GPC5: variants seen among roughly 807,000 people sequenced by gnomAD.
GPC5 encodes glypican 5, also known as glypican-5.
In GPC5, 47 loss-of-function variants were observed where a neutral mutation model predicts 53.9. The observed-to-expected ratio is 0.87, with a 90% CI of 0.69 to 1.11. The LOEUF is 1.11. GPC5 is among the 50% of genes most tolerant of loss of function. The probability of loss-of-function intolerance (pLI) is 0.00; values close to 1 mark genes in which losing one functional copy is unlikely to be tolerated. For synonymous variants in GPC5, 286 were observed against 263.3 expected (o/e 1.09, Z -0.84); for missense variants, 748 against 713.1 (o/e 1.05, Z -0.56).
intron 2 of GPC5, among the ~76,000 whole-genome samples, chr13:91,621,502 T>G (rs756589657): frequency 1.1e-4 from 16 of 151,990 alleles, no homozygotes; most frequent in Admixed American, 2.0e-4. Flanking sequence ...ATTGTTGGAA[T>G]AGCAAAGCTC....
At chr13:92,571,199 A>T (rs1487229723) in intron 7 of GPC5, among the ~76,000 whole-genome samples, 1 of 152,206 alleles carries the variant, frequency 6.6e-6, no homozygotes, top group African/African-American at 2.4e-5. Flanking sequence ...GATTCTGAGA[A>T]TAATTAGACT....
At chr13:91,480,943 G>T (rs1488217981) in intron 2 of GPC5, among the ~76,000 whole-genome samples, 1 of 143,264 alleles carries the variant, frequency 7.0e-6, no homozygotes, top group Non-Finnish European at 1.5e-5. Flanking sequence ...ATATTTCTGT[G>T]TTCTATCTTG....
intron 7 of GPC5, among the ~76,000 whole-genome samples, chr13:92,352,324 A>T (rs759747169): frequency 6.6e-6 from 1 of 152,222 alleles, no homozygotes; most frequent in Non-Finnish European, 1.5e-5. Flanking sequence ...ATTAGACTCA[A>T]GTAATACGTG....
At chr13:91,422,937 T>C (rs1878747720) in intron 1 of GPC5, among the ~76,000 whole-genome samples, 1 of 152,220 alleles carries the variant, frequency 6.6e-6, no homozygotes, top group Non-Finnish European at 1.5e-5. Flanking sequence ...TTAATACTGT[T>C]ACATTGCAGA....
rs2043591953 is a variant in GPC5, at chr13:92,364,448, T to C, written c.1561+219459T>C. Among the ~76,000 whole-genome samples the C allele has an allele frequency of 5.9e-5, 9 of 151,944 alleles. 1 individual carries two copies. In the South Asian group the frequency reaches 1.9e-3, roughly 31 times the overall value. On this transcript the variant is annotated intron_variant, in intron 7 of 7. Coordinates refer to ENST00000377067, the MANE Select transcript of GPC5 (RefSeq NM_004466.6). ...AGCATTCAAGTTTAAAAGGCATTTT[T>C]GGCCAGGCGCGGTGGCTTACGCCTG...
At chr13:92,230,351 G>T (rs901936668) in intron 7 of GPC5, among the ~76,000 whole-genome samples, 1 of 152,068 alleles carries the variant, frequency 6.6e-6, no homozygotes, top group African/African-American at 2.4e-5. Flanking sequence ...AAAGATAAAG[G>T]TAGTCATATT....
intron 7 of GPC5, among the ~76,000 whole-genome samples, chr13:92,327,522 G>C (rs1270647166): frequency 6.6e-6 from 1 of 152,138 alleles, no homozygotes; most frequent in Non-Finnish European, 1.5e-5. Flanking sequence ...AGAAGGACAA[G>C]TTCAGGGAAA....
rs2041855513 is a variant in GPC5, at chr13:92,144,891, G to A, written c.1463G>A (p.Gly488Glu). 1 of 1,610,584 alleles carries A rather than the reference G, an allele frequency of 6.2e-7. No individual in the cohort carries two copies. The highest frequency in any genetic ancestry group is 8.5e-7 in the Non-Finnish European group (1 of 1,178,668). ...KWELLQLGSG[G>E]GMVEQVSGDC... ...GAACTTCTTCAGCTGGGCAGTGGTGGAGGCATGGTTGAACAAGTCAGTGGG... is the reference window on the plus strand; with the variant it reads ...GAACTTCTTCAGCTGGGCAGTGGTGAAGGCATGGTTGAACAAGTCAGTGGG... The change falls in exon 7 of 8, where the codon GGA (glycine) becomes GAA (glutamate). Residue 488 changes from glycine (G) to glutamate (E), a missense_variant. By Grantham distance (98) the Gly-to-Glu change is moderately conservative. Coordinates refer to ENST00000377067, the MANE Select transcript of GPC5 (RefSeq NM_004466.6).
rs556112541 is a variant in GPC5, at chr13:91,804,717, A to T, written c.1280+48297A>T. Among the ~76,000 whole-genome samples the T allele has an allele frequency of 7.2e-5, 11 of 152,312 alleles. No individual in the cohort carries two copies. The South Asian group carries it at 2.1e-3, about 29-fold the overall frequency. On this transcript the variant is annotated intron_variant, in intron 5 of 7. Coordinates refer to ENST00000377067, the MANE Select transcript of GPC5 (RefSeq NM_004466.6). The stretch of plus-strand genomic sequence containing the variant: ...GAACAGTTCAATCATTGCAGAGCAC[A>T]TTAAAATAACAAGGCATTATGCCAT...
intron 6 of GPC5, among the ~76,000 whole-genome samples, chr13:92,125,924 G>GTTTTTTTTTTT (rs1190169532): frequency 1.3e-4 from 10 of 75,868 alleles, no homozygotes; most frequent in African/African-American, 4.2e-4. Flanking sequence ...TTGTTTTTTG[G>GTTTTTTTTTTT]TTTTTTTTTT....
chr13:91,562,188 T>TAAAAAAAAAAAAAAAAA (rs10603242), intron 2 of GPC5, among the ~76,000 whole-genome samples: 1 of 45,060 alleles, frequency 2.2e-5, no homozygotes, highest in African/African-American at 8.5e-5. Context: ...GGAGCAACAG[T>TAAAAAAAAAAAAAAAAA]AAAAAAAAAA....
chr13:91,466,421 A>C (rs1429914244), intron 2 of GPC5, among the ~76,000 whole-genome samples: 1 of 152,136 alleles, frequency 6.6e-6, no homozygotes, highest in East Asian at 1.9e-4. Flanking sequence ...TGTGACAGGA[A>C]CAAACTTTAC....
At chr13:92,784,477 CT>C (rs945899051) in intron 7 of GPC5, among the ~76,000 whole-genome samples, 212 of 144,862 alleles carry the variant, frequency 1.5e-3, no homozygotes, top group African/African-American at 2.1e-3. Flanking sequence ...CACAGTCTCC[CT>C]TTTTTTTTTT....
intron 7 of GPC5, among the ~76,000 whole-genome samples, chr13:92,677,769 C>A (rs955813892): frequency 7.0e-6 from 1 of 142,416 alleles, no homozygotes; most frequent in East Asian, 2.0e-4. Context: ...TGAAACCTGA[C>A]GCCACCCCAC....
intron 2 of GPC5, among the ~76,000 whole-genome samples, chr13:91,619,161 C>T (rs2033782920): frequency 6.6e-6 from 1 of 151,812 alleles, no homozygotes; most frequent in South Asian, 2.1e-4. Flanking sequence ...AAGAGGAAAT[C>T]GAATATGAGC....
intron 6 of GPC5, among the ~76,000 whole-genome samples, chr13:92,137,466 G>C (rs750675943): frequency 1.1e-4 from 16 of 152,180 alleles, no homozygotes; most frequent in Non-Finnish European, 2.2e-4. Flanking sequence ...ATACAGGATT[G>C]GGGTAGCAGT....
rs539491001 is a variant in GPC5 at position 92,117,186 on chromosome 13, T to C, written c.1402-27644T>C. Among the ~76,000 whole-genome samples, 3 of 152,328 alleles carry C rather than the reference T, an allele frequency of 2.0e-5. No homozygotes were observed. In the South Asian group the frequency reaches 6.2e-4, roughly 32 times the overall value. Reference sequence around the variant, plus strand: ...AGTACTTCTGGTGTGCTATGTAAAATATCAGCTGAGATTCATTTCTTGGTA... The same window carrying C: ...AGTACTTCTGGTGTGCTATGTAAAACATCAGCTGAGATTCATTTCTTGGTA... On this transcript the variant is annotated intron_variant, in intron 6 of 7. Coordinates refer to ENST00000377067, the MANE Select transcript of GPC5 (RefSeq NM_004466.6).
At chr13:91,455,399 C>A (rs1881472443) in intron 2 of GPC5, among the ~76,000 whole-genome samples, 1 of 152,098 alleles carries the variant, frequency 6.6e-6, no homozygotes. Context: ...TTTTACTGAA[C>A]TGATAATGAT....
intron 7 of GPC5, among the ~76,000 whole-genome samples, chr13:92,829,947 T>C (rs1391801731): frequency 6.6e-6 from 1 of 152,144 alleles, no homozygotes; most frequent in Non-Finnish European, 1.5e-5. Context: ...ATGGCCTCCC[T>C]CTATTGCAAG....
Sources: gnomAD v4.1 joint callset for allele counts (sites outside exome capture counted in the v4.1 genomes callset) on GRCh38, gnomAD v4.1.1 for gene constraint, MANE v1.5 for transcripts, NCBI Gene and HGNC (gene_info 2026-07-23, HGNC 2026-07-21) for gene names.